Variants in RAB3C observed in about 807,000 individuals in gnomAD.
RAB3C encodes the protein ras-related protein Rab-3C.
In RAB3C, 17 loss-of-function variants were observed where a neutral mutation model predicts 26.4. The ratio of observed to expected loss-of-function variants is 0.64; its 90% CI spans 0.44 to 0.97. RAB3C has a LOEUF of 0.97. Among genes scored for constraint, RAB3C ranks in the 50% least tolerant of loss-of-function variants. The pLI is 0.00. For synonymous variants in RAB3C, 91 were observed against 95.9 expected (o/e 0.95, Z 0.30); for missense variants, 242 against 281.9 (o/e 0.86, Z 1.01).
intron 4 of RAB3C, among the ~76,000 whole-genome samples, chr5:58,830,498 G>A (rs1426573064): frequency 1.3e-5 from 2 of 152,144 alleles, no homozygotes; most frequent in Admixed American, 6.5e-5. Context: ...TGAAGTGACT[G>A]AAACATTATA....
chr5:58,598,545 G>A (rs1053084103), intron 1 of RAB3C, among the ~76,000 whole-genome samples: 3 of 152,050 alleles, frequency 2.0e-5, no homozygotes, highest in African/African-American at 4.8e-5. Flanking sequence ...GATTTCATGA[G>A]TTTAGCAGAT....
intron 2 of RAB3C, among the ~76,000 whole-genome samples, chr5:58,641,578 T>C (rs1028742165): frequency 2.0e-5 from 3 of 152,354 alleles, no homozygotes; most frequent in Admixed American, 1.3e-4. Flanking sequence ...GCCTCTCTTC[T>C]ACTCCTTACT....
chr5:58,630,786 C>T (rs1450768226), intron 2 of RAB3C, among the ~76,000 whole-genome samples: 2 of 152,162 alleles, frequency 1.3e-5, no homozygotes, highest in East Asian at 3.9e-4. Context: ...TGCTCTAGAC[C>T]ATAGAAGGCA....
chr5:58,814,167 G>C (rs928521446), intron 3 of RAB3C, among the ~76,000 whole-genome samples: 1 of 152,110 alleles, frequency 6.6e-6, no homozygotes, highest in South Asian at 2.1e-4. Context: ...CAAAAGGCCC[G>C]AGCGAGTTTT....
At chr5:58,764,159 T>C (rs1452770927) in intron 3 of RAB3C, among the ~76,000 whole-genome samples, 1 of 152,188 alleles carries the variant, frequency 6.6e-6, no homozygotes, top group Non-Finnish European at 1.5e-5. Flanking sequence ...AGAAGTACAG[T>C]ATCAAACTTC....
intron 3 of RAB3C, among the ~76,000 whole-genome samples, chr5:58,789,035 G>A (rs1390019771): frequency 2.0e-5 from 3 of 152,218 alleles, no homozygotes; most frequent in East Asian, 3.9e-4. Context: ...GGGAATGGGG[G>A]TGCATGCGTG....
intron 2 of RAB3C, among the ~76,000 whole-genome samples, chr5:58,649,028 G>T (rs1747586868): frequency 6.6e-6 from 1 of 152,232 alleles, no homozygotes; most frequent in East Asian, 1.9e-4. Flanking sequence ...CATTCCTTCG[G>T]CAAGAACTGG....
chr5:58,754,753 G>A lies in RAB3C; in HGVS notation c.371+28633G>A, dbSNP rs75812349. Among the ~76,000 whole-genome samples the A allele has an allele frequency of 9.7e-3, 1,468 of 152,096 alleles. 34 individuals carry two copies. Among genetic ancestry groups the A allele is most frequent in the African/African-American group, 0.032 (1,322 of 41,504 alleles). ...CTTTCTTGAAATAAAGAAAACTGAG[G>A]CACAAAAAAGAGTAACAAATTGTAT... On this transcript the variant is annotated intron_variant, in intron 3 of 4. Transcript: ENST00000282878.
At chr5:58,798,324 C>T (rs1015170360) in intron 3 of RAB3C, among the ~76,000 whole-genome samples, 1 of 152,224 alleles carries the variant, frequency 6.6e-6, no homozygotes, top group South Asian at 2.1e-4. Context: ...GATACTTTTA[C>T]AATAGAAAAA....
chr5:58,637,106 T>TTTC (rs1365773827), intron 2 of RAB3C, among the ~76,000 whole-genome samples: 1 of 151,470 alleles, frequency 6.6e-6, no homozygotes, highest in Non-Finnish European at 1.5e-5. Flanking sequence ...AACTTTTTTT[T>TTTC]TTTTTTTACT....
chr5:58,841,495 G>T (rs1743874907), intron 4 of RAB3C, among the ~76,000 whole-genome samples: 1 of 152,136 alleles, frequency 6.6e-6, no homozygotes, highest in African/African-American at 2.4e-5. Flanking sequence ...CCCAGAGGTA[G>T]CTCTGGTCTC....
At chr5:58,811,657 C>G (rs993165633) in intron 3 of RAB3C, among the ~76,000 whole-genome samples, 6 of 152,108 alleles carry the variant, frequency 3.9e-5, no homozygotes, top group Admixed American at 1.3e-4. Context: ...CCCCTTTCCC[C>G]AAGATACAGA....
chr5:58,664,935 G>A (rs1273094821), intron 2 of RAB3C, among the ~76,000 whole-genome samples: 1 of 151,976 alleles, frequency 6.6e-6, no homozygotes, highest in African/African-American at 2.4e-5. Flanking sequence ...CTCCAAAGGT[G>A]TTCCCACCTT....
chr5:58,734,270 T>G (rs1253359824), intron 3 of RAB3C, among the ~76,000 whole-genome samples: 1 of 152,128 alleles, frequency 6.6e-6, no homozygotes, highest in Non-Finnish European at 1.5e-5. Context: ...GGTTACTTCA[T>G]GTTAAACATG....
At chr5:58,792,814 TACAC>T (rs920270682) in intron 3 of RAB3C, among the ~76,000 whole-genome samples, 1 of 151,976 alleles carries the variant, frequency 6.6e-6, no homozygotes, top group African/African-American at 2.4e-5. Flanking sequence ...TGTGTATATA[TACAC>T]ACACACAAAG....
At chr5:58,675,617 T>TC (rs1308121256) in intron 2 of RAB3C, among the ~76,000 whole-genome samples, 1 of 141,618 alleles carries the variant, frequency 7.1e-6, no homozygotes, top group Non-Finnish European at 1.5e-5. Context: ...CCATTTGTCT[T>TC]TTTTTTTTTT....
intron 2 of RAB3C, among the ~76,000 whole-genome samples, chr5:58,656,077 G>C (rs955481046): frequency 6.6e-6 from 1 of 151,986 alleles, no homozygotes; most frequent in Non-Finnish European, 1.5e-5. Context: ...GAGCCACCGC[G>C]CCCGGCCCTA....
chr5:58,654,137 G>C (rs1361398399), intron 2 of RAB3C, among the ~76,000 whole-genome samples: 1 of 152,092 alleles, frequency 6.6e-6, no homozygotes, highest in East Asian at 1.9e-4. Context: ...CTTAGTCTAA[G>C]CATTTGATTT....
At chr5:58,590,810 G>T (rs1482442115) in intron 1 of RAB3C, among the ~76,000 whole-genome samples, 1 of 152,138 alleles carries the variant, frequency 6.6e-6, no homozygotes. Context: ...CTCCCAAAGT[G>T]CTGGGATTAC....
Sources: gnomAD v4.1 joint callset for allele counts (sites outside exome capture counted in the v4.1 genomes callset) on GRCh38, gnomAD v4.1.1 for gene constraint, MANE v1.5 for transcripts, NCBI Gene and HGNC (gene_info 2026-07-23, HGNC 2026-07-21) for gene names.